Variants in DNAH8 observed in about 807,000 individuals in gnomAD.
DNAH8 encodes dynein axonemal heavy chain 8, also known as axonemal beta dynein heavy chain 8.
Under a neutral mutation model 562.1 loss-of-function variants are expected in DNAH8, and 382 were observed. That is an observed-to-expected ratio of 0.68 (90% CI 0.63 to 0.74). The LOEUF is 0.74. DNAH8 is among the 30% of genes least tolerant of loss of function. DNAH8 has a pLI of 0.00. For missense variants in DNAH8, 5,203 were observed against 5,620.4 expected, an observed-to-expected ratio of 0.93 and a Z score of 2.37; for synonymous variants, 1,881 against 1,919.4, an observed-to-expected ratio of 0.98 and a Z score of 0.52.
intron 63 of DNAH8, 85 bp downstream of exon 63, chr6:38,906,492 G>A (rs976695592): frequency 8.8e-7 from 1 of 1,141,590 alleles, no homozygotes; most frequent in Admixed American, 2.9e-5. Flanking sequence ...TTTCAAAAAT[G>A]AGGCTATTTA....
At position 38,971,581 on chromosome 6, in the gene DNAH8, CTA is replaced by C. The variant is rs774652055; in HGVS notation, c.12452-9_12452-8del. On this transcript the variant is annotated splice_polypyrimidine_tract_variant and intron_variant, in intron 82 of 92. Coordinates refer to ENST00000327475, the MANE Select transcript of DNAH8 (RefSeq NM_001206927.2). Reference sequence around the variant, plus strand: ...GTGTTTCATCATAGTGAACTTTCTCCTATGTTACAGAATGTAGAACTATCTCA... The same window carrying C: ...GTGTTTCATCATAGTGAACTTTCTCCTGTTACAGAATGTAGAACTATCTCA... 4 of 1,519,918 alleles carry C rather than the reference CTA, an allele frequency of 2.6e-6. No homozygotes were observed. In the South Asian group the frequency reaches 4.0e-5, roughly 15 times the overall value. 94.2% of individuals were successfully genotyped at this position (1,519,918 alleles called of 1,614,324 possible). A position where few individuals can be genotyped will look rare whatever the true frequency, so the allele number is the denominator to read the frequency against.
chr6:38,872,431 C>A, intron 49 of DNAH8, 105 bp from the exon 50 acceptor site: 2 of 1,261,418 alleles, frequency 1.6e-6, no homozygotes, highest in East Asian at 2.4e-5. Flanking sequence ...GAACTAGTTA[C>A]GTTAATGAAG....
At chr6:38,745,356 A>G (rs1436265051) in intron 8 of DNAH8, among the ~76,000 whole-genome samples, 3 of 152,246 alleles carry the variant, frequency 2.0e-5, no homozygotes, top group Admixed American at 2.0e-4. Context: ...ACTTCTAAGC[A>G]GGGTAAAATC....
chr6:38,833,378 T>G (rs552113660), intron 31 of DNAH8, among the ~76,000 whole-genome samples: 11 of 152,248 alleles, frequency 7.2e-5, no homozygotes, highest in South Asian at 2.1e-4. Flanking sequence ...ATGTTTTTTT[T>G]TTAACATGTA....
At chr6:38,916,538 G>T (rs1781324943) in intron 68 of DNAH8, among the ~76,000 whole-genome samples, 1 of 152,134 alleles carries the variant, frequency 6.6e-6, no homozygotes, top group African/African-American at 2.4e-5. Flanking sequence ...GCCTGCAATT[G>T]TTAAATGAAT....
At chr6:38,769,782 A>G (rs1395953057) in intron 11 of DNAH8, among the ~76,000 whole-genome samples, 1 of 152,224 alleles carries the variant, frequency 6.6e-6, no homozygotes, top group Non-Finnish European at 1.5e-5. Context: ...TCAGAATCTG[A>G]GAAATGGTGT....
rs760123322 is a variant in DNAH8 at position 38,807,731 on chromosome 6, T to C, written c.3257+15T>C. On this transcript the variant is annotated intron_variant, in intron 24 of 92. Coordinates refer to ENST00000327475, the MANE Select transcript of DNAH8 (RefSeq NM_001206927.2). ...TTTGTTGCAAGGCAAGTTGAAAATA[T>C]GCTAATTATGTCTGGTAATCATACT... The C allele has an allele frequency of 2.9e-6, 4 of 1,399,280 alleles. No individual in the cohort carries two copies. The highest frequency in any genetic ancestry group is 3.9e-6 in the Non-Finnish European group (4 of 1,034,256). The allele number at this position is 1,399,280 out of a possible 1,614,324, so 86.7% of individuals were successfully genotyped here. A position where few individuals can be genotyped will look rare whatever the true frequency, so the allele number is the denominator to read the frequency against.
chr6:38,881,610 G>T (rs1274893807), intron 53 of DNAH8, among the ~76,000 whole-genome samples: 1 of 144,716 alleles, frequency 6.9e-6, no homozygotes, highest in Middle Eastern at 3.5e-3. Context: ...GGAGTGCAAT[G>T]GCGCGATCTT....
At position 38,894,695 on chromosome 6, in the gene DNAH8, C is replaced by T. The variant is rs1302664121; in HGVS notation, c.8584-6C>T. ...AACTGAGAGTATTACATTTTTTCAT[C>T]TCTAGGTGAAGATGCTGCCAACTCC... On this transcript the variant is annotated splice_region_variant and splice_polypyrimidine_tract_variant and intron_variant, in intron 58 of 92. Coordinates refer to ENST00000327475, the MANE Select transcript of DNAH8 (RefSeq NM_001206927.2). 1.2e-6 allele frequency: 2 copies of T among 1,608,842 alleles called. No individual in the cohort carries two copies. Among genetic ancestry groups the T allele is most frequent in the Non-Finnish European group, 1.7e-6 (2 of 1,177,014 alleles).
chr6:38,800,050 G>A lies in DNAH8; in HGVS notation c.2902-3129G>A, dbSNP rs143521353. On this transcript the variant is annotated intron_variant, in intron 21 of 92. Coordinates refer to ENST00000327475, the MANE Select transcript of DNAH8 (RefSeq NM_001206927.2). ...TGCAGCCTCTAATTCCAAGGCTCAA[G>A]CGATTCCCCTGTCTCACAAAACTTC... 1.6e-3 allele frequency among the ~76,000 whole-genome samples: 237 copies of A among 152,270 alleles called. No homozygotes were observed. In the Middle Eastern group the frequency reaches 0.024, roughly 15 times the overall value.
At chr6:38,797,927 C>T (rs1009698806) in intron 21 of DNAH8, among the ~76,000 whole-genome samples, 9 of 152,080 alleles carry the variant, frequency 5.9e-5, no homozygotes, top group African/African-American at 2.2e-4. Context: ...GCCAATTCTT[C>T]GGCTTGGCTA....
intron 79 of DNAH8, among the ~76,000 whole-genome samples, chr6:38,944,312 C>G (rs2150610724): frequency 6.6e-6 from 1 of 152,248 alleles, no homozygotes; most frequent in African/African-American, 2.4e-5. Context: ...GCCACAGATT[C>G]CCAAGTCCCC....
intron 88 of DNAH8, among the ~76,000 whole-genome samples, chr6:38,993,845 G>T (rs920229944): frequency 6.6e-6 from 1 of 152,048 alleles, no homozygotes; most frequent in Admixed American, 6.5e-5. Flanking sequence ...CATTTAGGTT[G>T]CTTCCAATAT....
At chr6:38,719,321 A>C (rs1203230443) in intron 1 of DNAH8, among the ~76,000 whole-genome samples, 1 of 152,114 alleles carries the variant, frequency 6.6e-6, no homozygotes, top group African/African-American at 2.4e-5. Context: ...AGTATGATTA[A>C]ACCTGTCACC....
chr6:38,734,008 G>T (rs1763873350), intron 4 of DNAH8, among the ~76,000 whole-genome samples: 1 of 151,618 alleles, frequency 6.6e-6, no homozygotes, highest in Non-Finnish European at 1.5e-5. Flanking sequence ...TATTGGCCAG[G>T]CATGGTGGCT....
At chr6:38,749,051 G>A (rs1000200404) in intron 8 of DNAH8, among the ~76,000 whole-genome samples, 3 of 152,038 alleles carry the variant, frequency 2.0e-5, no homozygotes, top group African/African-American at 4.8e-5. Flanking sequence ...TATTTAGAGT[G>A]ATGTTGTGTG....
intron 91 of DNAH8, among the ~76,000 whole-genome samples, chr6:39,026,303 A>G (rs1236471794): frequency 6.6e-6 from 1 of 152,204 alleles, no homozygotes; most frequent in African/African-American, 2.4e-5. Flanking sequence ...ACCAAGGCCC[A>G]GTTTGAAGTA....
At chr6:38,890,851 C>A in intron 58 of DNAH8, 90 bp downstream of exon 58, 1 of 869,394 alleles carries the variant, frequency 1.2e-6, no homozygotes, top group Non-Finnish European at 1.9e-6. Flanking sequence ...ATCATAATAT[C>A]ATATATAGTG....
At chr6:38,774,764 G>A (rs1767902977) in intron 12 of DNAH8, among the ~76,000 whole-genome samples, 1 of 152,198 alleles carries the variant, frequency 6.6e-6, no homozygotes, top group Admixed American at 6.5e-5. Flanking sequence ...TTTAAAGTAG[G>A]TGAGTGGAGT....
Sources: allele counts gnomAD v4.1 joint callset (sites outside exome capture counted in the v4.1 genomes callset), GRCh38; gene constraint gnomAD v4.1.1; transcripts MANE v1.5; gene names NCBI Gene and HGNC (gene_info 2026-07-23, HGNC 2026-07-21).